STARD13: variants seen among roughly 807,000 people sequenced by gnomAD.
STARD13 encodes the protein stAR-related lipid transfer protein 13.
Under a neutral mutation model 106.4 loss-of-function variants are expected in STARD13, and 62 were observed. That is an observed-to-expected ratio of 0.58 (90% CI 0.48 to 0.72). The LOEUF is 0.72. Among genes scored for constraint, STARD13 ranks in the 30% least tolerant of loss-of-function variants. The pLI, the probability that STARD13 is intolerant of heterozygous loss-of-function variation, is 0.00. For missense variants in STARD13, 1,387 were observed against 1,424.0 expected, an observed-to-expected ratio of 0.97 and a Z score of 0.42; for synonymous variants, 565 against 553.0, an observed-to-expected ratio of 1.02 and a Z score of -0.31.
At chr13:33,124,132 G>A (rs1051866127) in intron 7 of STARD13, among the ~76,000 whole-genome samples, 6 of 152,110 alleles carry the variant, frequency 3.9e-5, no homozygotes, top group African/African-American at 9.7e-5. Flanking sequence ...TGAAATCTCC[G>A]GAAAAGCCAG....
At chr13:33,238,792 A>G (rs1183034853) in intron 1 of STARD13, among the ~76,000 whole-genome samples, 2 of 152,074 alleles carry the variant, frequency 1.3e-5, no homozygotes, top group Admixed American at 1.3e-4. Context: ...CTTTATATAC[A>G]TTATCTCTGT....
chr13:33,608,849 G>A, the STARD13 span, among the ~76,000 whole-genome samples: 10 of 152,296 alleles, frequency 6.6e-5, no homozygotes, highest in African/African-American at 2.2e-4. Flanking sequence ...CACTTTGGGA[G>A]GCCGAGGCGG....
intron 1 of STARD13, among the ~76,000 whole-genome samples, chr13:33,335,742 G>A (rs557447652): frequency 1.3e-5 from 2 of 152,336 alleles, no homozygotes; most frequent in South Asian, 2.1e-4. Context: ...TCACAACTAC[G>A]GGGCTGCATT....
chr13:33,177,532 G>T (rs1884641546), intron 1 of STARD13, among the ~76,000 whole-genome samples: 1 of 152,114 alleles, frequency 6.6e-6, no homozygotes, highest in African/African-American at 2.4e-5. Flanking sequence ...TCAACTCAAG[G>T]ACCAGCTGAG....
At chr13:33,475,665 T>C in the STARD13 span, among the ~76,000 whole-genome samples, 1 of 152,086 alleles carries the variant, frequency 6.6e-6, no homozygotes, top group Non-Finnish European at 1.5e-5. Flanking sequence ...TTTAGAAAAA[T>C]AGGTGAGGGT....
chr13:33,654,056 T>C, the STARD13 span, among the ~76,000 whole-genome samples: 2 of 151,824 alleles, frequency 1.3e-5, no homozygotes, highest in African/African-American at 4.8e-5. Flanking sequence ...TGAGGAGAAA[T>C]TGAATCCTCA....
the STARD13 span, among the ~76,000 whole-genome samples, chr13:33,609,765 A>T: frequency 6.6e-6 from 1 of 151,856 alleles, no homozygotes. Flanking sequence ...ACGTGGTTTC[A>T]CCGTGTTAGC....
chr13:33,297,128 T>C (rs1024867234), intron 1 of STARD13, among the ~76,000 whole-genome samples: 9 of 152,252 alleles, frequency 5.9e-5, no homozygotes, highest in African/African-American at 2.2e-4. Flanking sequence ...TAACCATTTA[T>C]CTTTACAGCG....
At chr13:33,270,004 G>A (rs894714821) in intron 1 of STARD13, among the ~76,000 whole-genome samples, 7 of 152,184 alleles carry the variant, frequency 4.6e-5, no homozygotes, top group African/African-American at 1.7e-4. Context: ...GGGAGGCCGA[G>A]GTGGGTGGAT....
the STARD13 span, among the ~76,000 whole-genome samples, chr13:33,364,852 G>A: frequency 1.3e-5 from 2 of 152,146 alleles, no homozygotes; most frequent in African/African-American, 4.8e-5. Flanking sequence ...TGGCGCCACT[G>A]CACTCCAGCC....
the STARD13 span, among the ~76,000 whole-genome samples, chr13:33,457,777 A>T: frequency 6.6e-6 from 1 of 152,164 alleles, no homozygotes; most frequent in African/African-American, 2.4e-5. Context: ...TGATCCCATC[A>T]TAAGGGTTTC....
rs1403659043 is a variant in STARD13 at position 33,105,198 on chromosome 13, T to A, written c.*395A>T. 1 of 159,892 alleles carries A rather than the reference T, an allele frequency of 6.3e-6. No individual in the cohort carries two copies. Among genetic ancestry groups the A allele is most frequent in the East Asian group, 1.8e-4 (1 of 5,682 alleles). The allele number at this position is 159,892 out of a possible 1,614,324, so 9.9% of individuals were successfully genotyped here. A position where few individuals can be genotyped will look rare whatever the true frequency, so the allele number is the denominator to read the frequency against. The stretch of plus-strand genomic sequence containing the variant: ...CAAAACACACAATTCTATATAAAAT[T>A]GGTATTTTACATATATACAGTAAAG... On this transcript the variant is annotated 3_prime_UTR_variant, in exon 14 of 14. Coordinates refer to ENST00000336934, the MANE Select transcript of STARD13 (RefSeq NM_178006.4).
At chr13:33,209,273 A>C (rs1484795812) in intron 1 of STARD13, among the ~76,000 whole-genome samples, 1 of 152,194 alleles carries the variant, frequency 6.6e-6, no homozygotes, top group Non-Finnish European at 1.5e-5. Context: ...GGTGCCAGAA[A>C]TCTGCCTCAT....
intron 1 of STARD13, among the ~76,000 whole-genome samples, chr13:33,242,075 A>C (rs1351607134): frequency 6.7e-6 from 1 of 148,614 alleles, no homozygotes; most frequent in Non-Finnish European, 1.5e-5. Flanking sequence ...GCCTGGCCGC[A>C]ACCCAGTCTG....
At chr13:33,474,660 C>T in the STARD13 span, among the ~76,000 whole-genome samples, 6 of 152,134 alleles carry the variant, frequency 3.9e-5, no homozygotes, top group Non-Finnish European at 7.4e-5. Context: ...TGGCAGCATA[C>T]ACTTCTGTCT....
chr13:33,289,287 G>A (rs1892195618), upstream of STARD13, among the ~76,000 whole-genome samples: 1 of 152,182 alleles, frequency 6.6e-6, no homozygotes, highest in Non-Finnish European at 1.5e-5. Context: ...TCAGGAGTGA[G>A]ATAAACAGAT....
intron 1 of STARD13, among the ~76,000 whole-genome samples, chr13:33,248,103 C>G (rs945873406): frequency 6.6e-6 from 1 of 152,080 alleles, no homozygotes; most frequent in East Asian, 1.9e-4. Context: ...TCAGGGCTAT[C>G]GTTAAGAAGA....
chr13:33,504,734 A>C, the STARD13 span, among the ~76,000 whole-genome samples: 8 of 152,156 alleles, frequency 5.3e-5, no homozygotes, highest in African/African-American at 1.9e-4. Flanking sequence ...GTGCACATGT[A>C]CCCTAGAACT....
At chr13:33,438,927 G>T in the STARD13 span, among the ~76,000 whole-genome samples, 1 of 152,154 alleles carries the variant, frequency 6.6e-6, no homozygotes, top group African/African-American at 2.4e-5. Context: ...TCAAAATTGG[G>T]CTTTAAAGAT....
Sources: gnomAD v4.1 joint callset for allele counts (sites outside exome capture counted in the v4.1 genomes callset) on GRCh38, gnomAD v4.1.1 for gene constraint, MANE v1.5 for transcripts, NCBI Gene and HGNC (gene_info 2026-07-23, HGNC 2026-07-21) for gene names.